Variants in LRRC4C observed in about 807,000 individuals in gnomAD.
LRRC4C encodes leucine rich repeat containing 4C, also known as leucine-rich repeat-containing protein 4C.
Under a neutral mutation model 33.6 loss-of-function variants are expected in LRRC4C, and 5 were observed. The observed-to-expected ratio is 0.15, with a 90% CI of 0.08 to 0.31. The LOEUF (loss-of-function observed/expected upper bound fraction) is 0.31, where lower values mean the gene tolerates loss of function less well. Ranked by LOEUF, LRRC4C falls within the 10% of genes least tolerant of loss-of-function variation. The pLI is 1.00. For missense variants in LRRC4C, 560 were observed against 796.7 expected (o/e 0.70, Z 3.58); for synonymous variants, 329 against 302.0 (o/e 1.09, Z -0.93).
At chr11:40,216,481 A>C (rs1378186681) in intron 5 of LRRC4C, among the ~76,000 whole-genome samples, 1 of 152,170 alleles carries the variant, frequency 6.6e-6, no homozygotes, top group African/African-American at 2.4e-5. Flanking sequence ...TTTGTCCTAC[A>C]GGACTATTTC....
At chr11:40,862,326 T>A (rs73472660) in intron 2 of LRRC4C, among the ~76,000 whole-genome samples, 11,750 of 152,204 alleles carry the variant, frequency 0.077, 1,056 homozygotes, top group African/African-American at 0.21. Flanking sequence ...AACCATGGTT[T>A]AGGCTCTTAT....
chr11:40,694,459 C>G (rs1242668344), intron 2 of LRRC4C, among the ~76,000 whole-genome samples: 1 of 152,108 alleles, frequency 6.6e-6, no homozygotes, highest in African/African-American at 2.4e-5. Flanking sequence ...TTACAGTCCA[C>G]CAATGAGTAT....
At chr11:41,261,737 G>A (rs1948989038) in intron 1 of LRRC4C, among the ~76,000 whole-genome samples, 1 of 152,070 alleles carries the variant, frequency 6.6e-6, no homozygotes, top group Non-Finnish European at 1.5e-5. Flanking sequence ...GAATGCAAGA[G>A]AAAATACGTA....
intron 1 of LRRC4C, among the ~76,000 whole-genome samples, chr11:41,159,646 C>T (rs1354277308): frequency 1.3e-5 from 2 of 152,028 alleles, no homozygotes; most frequent in African/African-American, 4.8e-5. Context: ...CAGCTATGGC[C>T]TAATTTACTA....
At chr11:40,679,792 G>A (rs1343927692) in intron 2 of LRRC4C, among the ~76,000 whole-genome samples, 1 of 152,198 alleles carries the variant, frequency 6.6e-6, no homozygotes, top group Non-Finnish European at 1.5e-5. Context: ...ATCTCATAGA[G>A]AAACTCTGCT....
At chr11:41,304,513 G>A (rs1431971379) in intron 1 of LRRC4C, among the ~76,000 whole-genome samples, 2 of 112,374 alleles carry the variant, frequency 1.8e-5, no homozygotes, top group South Asian at 3.4e-4. Context: ...CGCCCCGTCC[G>A]GGAGGGAGGT....
intron 5 of LRRC4C, among the ~76,000 whole-genome samples, chr11:40,213,430 A>C (rs1430935203): frequency 6.6e-6 from 1 of 152,146 alleles, no homozygotes; most frequent in African/African-American, 2.4e-5. Flanking sequence ...TACTGGAATA[A>C]TTTAAAAAAC....
chr11:40,166,239 T>A (rs1007146411), intron 5 of LRRC4C, among the ~76,000 whole-genome samples: 2 of 152,150 alleles, frequency 1.3e-5, no homozygotes, highest in African/African-American at 2.4e-5. Flanking sequence ...AATGAACAGA[T>A]ACACTGTGGT....
At chr11:40,565,916 C>G (rs1174912679) in intron 3 of LRRC4C, among the ~76,000 whole-genome samples, 2 of 151,920 alleles carry the variant, frequency 1.3e-5, no homozygotes, top group Admixed American at 1.3e-4. Flanking sequence ...TTAGAAAGTA[C>G]TTAATATTTT....
intron 1 of LRRC4C, among the ~76,000 whole-genome samples, chr11:41,064,665 A>T (rs1214504805): frequency 6.6e-6 from 1 of 152,210 alleles, no homozygotes; most frequent in Non-Finnish European, 1.5e-5. Context: ...TCTGTTCTGC[A>T]GCTCCAAGCG....
At chr11:40,500,293 T>TATATACACAC (rs1394949843) in intron 3 of LRRC4C, among the ~76,000 whole-genome samples, 4 of 96,844 alleles carry the variant, frequency 4.1e-5, no homozygotes, top group Non-Finnish European at 6.0e-5. Flanking sequence ...TATATATATA[T>TATATACACAC]ACACACACAC....
At chr11:41,142,317 C>T (rs1943542560) in intron 1 of LRRC4C, among the ~76,000 whole-genome samples, 1 of 152,150 alleles carries the variant, frequency 6.6e-6, no homozygotes, top group Non-Finnish European at 1.5e-5. Context: ...CAGAACACAG[C>T]AGTGCTCAAA....
chr11:40,461,683 A>G (rs942091990), intron 3 of LRRC4C, among the ~76,000 whole-genome samples: 2 of 148,674 alleles, frequency 1.3e-5, no homozygotes, highest in African/African-American at 4.9e-5. Flanking sequence ...TATATATATT[A>G]TATAATAATC....
chr11:40,811,436 C>T (rs1186455745), intron 2 of LRRC4C, among the ~76,000 whole-genome samples: 1 of 152,072 alleles, frequency 6.6e-6, no homozygotes, highest in Non-Finnish European at 1.5e-5. Flanking sequence ...TTCCTAAGAG[C>T]CTGGTACAGT....
intron 2 of LRRC4C, among the ~76,000 whole-genome samples, chr11:40,650,496 C>T (rs1942728197): frequency 6.6e-6 from 1 of 152,148 alleles, no homozygotes; most frequent in African/African-American, 2.4e-5. Flanking sequence ...CTTTCAAAAA[C>T]TGAATGTTCT....
intron 1 of LRRC4C, among the ~76,000 whole-genome samples, chr11:41,309,538 C>T (rs1950592573): frequency 6.6e-6 from 1 of 152,180 alleles, no homozygotes; most frequent in Admixed American, 6.5e-5. Flanking sequence ...TTAATTAAAA[C>T]TCATGTACAC....
intron 1 of LRRC4C, among the ~76,000 whole-genome samples, chr11:41,281,723 G>A (rs973507664): frequency 6.6e-6 from 1 of 152,110 alleles, no homozygotes; most frequent in African/African-American, 2.4e-5. Flanking sequence ...GATTTTTCAG[G>A]TGATTCTCAT....
At chr11:40,166,079 C>T (rs561390248) in intron 5 of LRRC4C, among the ~76,000 whole-genome samples, 2 of 152,210 alleles carry the variant, frequency 1.3e-5, no homozygotes, top group Non-Finnish European at 2.9e-5. Flanking sequence ...TATGACCCAG[C>T]AATTGCTGTC....
rs538293824 is a variant in LRRC4C at position 41,082,859 on chromosome 11, G to A, written c.-495-149136C>T. On this transcript the variant is annotated intron_variant, in intron 1 of 6. Transcript: ENST00000528697. ...CATTAAGTCTTCCTCTTGAACCAGAGGTCTCAAAAAATAGCTAGGTTAGAT... is the reference window on the plus strand; with the variant it reads ...CATTAAGTCTTCCTCTTGAACCAGAAGTCTCAAAAAATAGCTAGGTTAGAT... Among the ~76,000 whole-genome samples, 3 of 151,920 alleles carry A rather than the reference G, an allele frequency of 2.0e-5. No homozygotes were observed. The South Asian group carries it at 6.2e-4, about 32-fold the overall frequency.
Sources: gnomAD v4.1 joint callset for allele counts (sites outside exome capture counted in the v4.1 genomes callset) on GRCh38, gnomAD v4.1.1 for gene constraint, MANE v1.5 for transcripts, NCBI Gene and HGNC (gene_info 2026-07-23, HGNC 2026-07-21) for gene names.